NEBL: variants seen among roughly 807,000 people sequenced by gnomAD.
The protein encoded by NEBL is nebulette.
NEBL carries 122 observed loss-of-function variants against 140.2 expected under a neutral mutation model. That is an observed-to-expected ratio of 0.87 (90% CI 0.75 to 1.01). NEBL has a LOEUF of 1.01. NEBL is among the 50% of genes least tolerant of loss of function. NEBL has a pLI of 0.00. For missense variants in NEBL, 1,365 were observed against 1,231.3 expected, an observed-to-expected ratio of 1.11 and a Z score of -1.62; for synonymous variants, 436 against 398.9, an observed-to-expected ratio of 1.09 and a Z score of -1.11.
chr10:21,235,400 G>A (rs187191028), intron 3 of NEBL, among the ~76,000 whole-genome samples: 120 of 152,238 alleles, frequency 7.9e-4, no homozygotes, highest in African/African-American at 2.7e-3. Context: ...CTGCAGTGGC[G>A]CGATCTCGGG....
intron 26 of NEBL, among the ~76,000 whole-genome samples, chr10:20,787,896 G>A (rs12242114): frequency 0.011 from 1,750 of 152,232 alleles, 27 homozygotes; most frequent in African/African-American, 0.039. Context: ...ATGAAGGAGT[G>A]ATATTCAGCT....
intron 2 of NEBL, chr10:21,029,672 G>A (rs1267154215): frequency 1.7e-6 from 2 of 1,177,802 alleles, no homozygotes; most frequent in Non-Finnish European, 2.5e-6. Flanking sequence ...GACAAGTATC[G>A]AGATCGTTAT....
chr10:20,918,829 T>C (rs1484622828), intron 4 of NEBL, among the ~76,000 whole-genome samples: 1 of 151,946 alleles, frequency 6.6e-6, no homozygotes, highest in African/African-American at 2.4e-5. Flanking sequence ...CCAGCCTGGG[T>C]GACAGAGCGA....
chr10:20,845,799 T>C (rs1841879865), intron 11 of NEBL, among the ~76,000 whole-genome samples: 1 of 152,162 alleles, frequency 6.6e-6, no homozygotes, highest in Admixed American at 6.6e-5. Context: ...CATGTCCCCA[T>C]CATCCTTCTT....
intron 3 of NEBL, among the ~76,000 whole-genome samples, chr10:21,234,832 TAAG>T (rs113061841): frequency 0.04 from 6,129 of 152,174 alleles, 189 homozygotes; most frequent in South Asian, 0.14. Flanking sequence ...TCAGAACACT[TAAG>T]GTCATTGATT....
intron 3 of NEBL, among the ~76,000 whole-genome samples, chr10:21,229,043 A>G (rs558036531): frequency 6.1e-5 from 9 of 148,410 alleles, no homozygotes; most frequent in African/African-American, 1.5e-4. Context: ...TGTAAGTGGG[A>G]AAAAAAAAAA....
chr10:20,961,793 G>T, intron 3 of NEBL: 1 of 1,598,158 alleles, frequency 6.3e-7, no homozygotes, highest in African/African-American at 1.3e-5. Context: ...ACAAGAAGGG[G>T]GAAAAGAAAA....
At chr10:21,038,109 G>C (rs1346597575) in intron 2 of NEBL, among the ~76,000 whole-genome samples, 1 of 152,132 alleles carries the variant, frequency 6.6e-6, no homozygotes, top group Non-Finnish European at 1.5e-5. Flanking sequence ...TTAAGGTTTT[G>C]AGGGCAAAAT....
intron 22 of NEBL, 113 bp downstream of exon 22, chr10:20,815,512 C>A: frequency 1.2e-6 from 1 of 839,782 alleles, no homozygotes; most frequent in Non-Finnish European, 2.0e-6. Context: ...TTATTGGACA[C>A]ATCACAAATG....
intron 2 of NEBL, among the ~76,000 whole-genome samples, chr10:21,105,136 T>A (rs184498575): frequency 6.6e-6 from 1 of 152,314 alleles, no homozygotes; most frequent in East Asian, 1.9e-4. Context: ...AGTCTGTTAA[T>A]AACTTTTACA....
chr10:21,113,306 A>AAAAAAAAAAAAAAAG (rs1838129451), intron 2 of NEBL: 1 of 327,716 alleles, frequency 3.1e-6, no homozygotes, highest in Non-Finnish European at 5.7e-6. Flanking sequence ...AAAAAAAAAA[A>AAAAAAAAAAAAAAAG]CCAGGAAAAA....
chr10:21,135,018 CCT>C (rs1839287275), intron 2 of NEBL, among the ~76,000 whole-genome samples: 1 of 152,150 alleles, frequency 6.6e-6, no homozygotes, highest in South Asian at 2.1e-4. Context: ...CCCGCTCCAC[CCT>C]CCATCGAGGG....
chr10:20,854,710 G>A (rs964450956), intron 9 of NEBL, among the ~76,000 whole-genome samples: 47 of 151,754 alleles, frequency 3.1e-4, no homozygotes, highest in African/African-American at 1.1e-3. Context: ...GGCTATAGGT[G>A]CATGTCACCA....
At chr10:21,005,661 G>A (rs569187492) in intron 3 of NEBL, among the ~76,000 whole-genome samples, 66 of 152,250 alleles carry the variant, frequency 4.3e-4, no homozygotes, top group Middle Eastern at 3.4e-3. Flanking sequence ...TTGAGCCCAG[G>A]AAGTCAAGGC....
intron 26 of NEBL, among the ~76,000 whole-genome samples, chr10:20,803,813 A>C (rs1472243449): frequency 5.4e-5 from 7 of 129,284 alleles, no homozygotes; most frequent in Non-Finnish European, 1.0e-4. Flanking sequence ...TGTACGAAAA[A>C]TATATATATA....
At chr10:21,070,583 G>T (rs1835773249) in intron 2 of NEBL, among the ~76,000 whole-genome samples, 1 of 151,976 alleles carries the variant, frequency 6.6e-6, no homozygotes, top group Non-Finnish European at 1.5e-5. Flanking sequence ...GATAACCTAA[G>T]TGGGCGATTA....
In NEBL at chr10:20,949,403, T is replaced by A. The variant is rs143026145; in HGVS notation, c.357+12269A>T. ...AGGTACAGCAAACCACCATGGCACA[T>A]GTATACCTATGTAACAAACTTGCAC... On this transcript the variant is annotated intron_variant, in intron 4 of 6. Transcript: ENST00000417816. Among the ~76,000 whole-genome samples the A allele has an allele frequency of 1.8e-3, 278 of 152,264 alleles. 9 individuals are homozygous for A. The East Asian group carries it at 0.046, about 25-fold the overall frequency.
chr10:21,153,717 T>C (rs905735585), intron 2 of NEBL, among the ~76,000 whole-genome samples: 3 of 152,112 alleles, frequency 2.0e-5, no homozygotes, highest in Non-Finnish European at 4.4e-5. Context: ...GGTTTCACCA[T>C]GTTGGTCAGG....
At position 20,928,703 on chromosome 10, in the gene NEBL, T is replaced by C. The variant is rs972471411; in HGVS notation, c.357+32969A>G. On this transcript the variant is annotated intron_variant, in intron 4 of 6. Transcript: ENST00000417816. ...CACTATACTTGTGCTTTGAATTATA[T>C]CCCCTTCTTTCCACCCTTCTCTAGA... 1.3e-4 allele frequency among the ~76,000 whole-genome samples: 20 copies of C among 152,180 alleles called. 1 individual carries two copies. Among genetic ancestry groups the C allele is most frequent in the Admixed American group, 1.1e-3 (17 of 15,272 alleles).
Sources: gnomAD v4.1 joint callset for allele counts (sites outside exome capture counted in the v4.1 genomes callset) on GRCh38, gnomAD v4.1.1 for gene constraint, MANE v1.5 for transcripts, NCBI Gene and HGNC (gene_info 2026-07-23, HGNC 2026-07-21) for gene names.